The following MAGI1 variants were observed in gnomAD, a reference collection of about 807,000 sequenced individuals.
MAGI1 encodes the protein membrane-associated guanylate kinase, WW and PDZ domain-containing protein 1.
Under a neutral mutation model 139.9 loss-of-function variants are expected in MAGI1, and 58 were observed. The ratio of observed to expected loss-of-function variants is 0.41; its 90% CI spans 0.34 to 0.52. The LOEUF (loss-of-function observed/expected upper bound fraction) is 0.52. Among genes scored for constraint, MAGI1 ranks in the 20% least tolerant of loss-of-function variants. The pLI is 0.12. For synonymous variants in MAGI1, 812 were observed against 737.9 expected, an observed-to-expected ratio of 1.10 and a Z score of -1.63; for missense variants, 1,874 against 1,901.6, an observed-to-expected ratio of 0.99 and a Z score of 0.27.
intron 5 of MAGI1, among the ~76,000 whole-genome samples, chr3:65,461,487 CTTT>C (rs537543064): frequency 2.0e-5 from 2 of 101,948 alleles, no homozygotes; most frequent in African/African-American, 3.9e-5. Context: ...TGTTTCTTGA[CTTT>C]TTTTTTTTTT....
At chr3:65,664,378 A>T (rs1169732449) in intron 1 of MAGI1, among the ~76,000 whole-genome samples, 1 of 152,214 alleles carries the variant, frequency 6.6e-6, no homozygotes, top group East Asian at 1.9e-4. Flanking sequence ...GAGAATATGT[A>T]TATGTATAAG....
Position 65,527,081 on chromosome 3 carries a change from T to C in MAGI1, c.431-33450A>G, listed in dbSNP as rs145721579. Among the ~76,000 whole-genome samples the C allele has an allele frequency of 3.2e-3, 490 of 152,328 alleles. 1 individual carries two copies. The highest frequency in any genetic ancestry group is 0.011 in the African/African-American group (459 of 41,574). On this transcript the variant is annotated intron_variant, in intron 2 of 22. Transcript: ENST00000402939. Reference sequence around the variant, plus strand: ...TCTTCTCTTCTTCCATTGGTGATTGTCTTGACTTCTCAAACAGCCAACCTA... The same window carrying C: ...TCTTCTCTTCTTCCATTGGTGATTGCCTTGACTTCTCAAACAGCCAACCTA...
At chr3:65,701,532 C>T (rs1016595227) in intron 1 of MAGI1, among the ~76,000 whole-genome samples, 1 of 152,154 alleles carries the variant, frequency 6.6e-6, no homozygotes, top group Non-Finnish European at 1.5e-5. Context: ...GGATTACAGC[C>T]GTGAGTCACC....
At chr3:65,833,869 T>G (rs2108306441) in intron 1 of MAGI1, among the ~76,000 whole-genome samples, 1 of 152,380 alleles carries the variant, frequency 6.6e-6, no homozygotes, top group Non-Finnish European at 1.5e-5. Context: ...TAGTTTCATT[T>G]GCATGCAGGA....
At chr3:65,734,873 A>G (rs1406065390) in intron 1 of MAGI1, among the ~76,000 whole-genome samples, 2 of 122,150 alleles carry the variant, frequency 1.6e-5, no homozygotes, top group Non-Finnish European at 1.7e-5. Context: ...GGAGGTGAAG[A>G]GATGGGAGGT....
At chr3:65,480,320 C>T (rs1292923493) in intron 3 of MAGI1, among the ~76,000 whole-genome samples, 1 of 151,966 alleles carries the variant, frequency 6.6e-6, no homozygotes, top group Non-Finnish European at 1.5e-5. Context: ...ACCACATGAG[C>T]TCAGAAGTTC....
At chr3:65,685,401 CT>C (rs1419662138) in intron 1 of MAGI1, among the ~76,000 whole-genome samples, 1 of 150,750 alleles carries the variant, frequency 6.6e-6, no homozygotes, top group Non-Finnish European at 1.5e-5. Context: ...TGCATTTTAA[CT>C]TTTTCCTCAA....
At chr3:65,498,331 GC>G (rs1371546098) in intron 2 of MAGI1, among the ~76,000 whole-genome samples, 1 of 150,098 alleles carries the variant, frequency 6.7e-6, no homozygotes. Context: ...ATTTTCCTTA[GC>G]CTACAATACT....
intron 1 of MAGI1, among the ~76,000 whole-genome samples, chr3:65,984,957 T>C (rs527812631): frequency 6.6e-6 from 1 of 152,198 alleles, no homozygotes; most frequent in African/African-American, 2.4e-5. Context: ...GGAGGTCTTG[T>C]CTGAGGTTCA....
At chr3:65,469,394 T>C (rs940609681) in intron 5 of MAGI1, among the ~76,000 whole-genome samples, 30 of 152,116 alleles carry the variant, frequency 2.0e-4, no homozygotes, top group Non-Finnish European at 4.4e-4. Context: ...GATAGGATAA[T>C]AAAGTCAAAA....
chr3:65,573,038 G>C (rs1269050171), intron 2 of MAGI1, among the ~76,000 whole-genome samples: 4 of 152,080 alleles, frequency 2.6e-5, no homozygotes, highest in Non-Finnish European at 4.4e-5. Context: ...TGAAGACAAA[G>C]TTACTCATCT....
chr3:65,737,217 G>C (rs916617788), intron 1 of MAGI1, among the ~76,000 whole-genome samples: 1 of 152,088 alleles, frequency 6.6e-6, no homozygotes, highest in African/African-American at 2.4e-5. Flanking sequence ...GTTATAGCCA[G>C]GATGGTCTCA....
At chr3:65,846,610 T>A (rs1025817469) in intron 1 of MAGI1, among the ~76,000 whole-genome samples, 4 of 152,184 alleles carry the variant, frequency 2.6e-5, no homozygotes, top group Admixed American at 2.0e-4. Context: ...ATCACCAATA[T>A]GTTTTGAGCA....
chr3:65,509,330 G>C (rs534684586), intron 2 of MAGI1, among the ~76,000 whole-genome samples: 33 of 152,302 alleles, frequency 2.2e-4, no homozygotes, highest in African/African-American at 7.2e-4. Context: ...AACAGCTCCG[G>C]TCTACAGCTC....
intron 1 of MAGI1, among the ~76,000 whole-genome samples, chr3:65,851,566 T>G (rs923310463): frequency 5.9e-5 from 9 of 152,018 alleles, no homozygotes; most frequent in Non-Finnish European, 1.3e-4. Flanking sequence ...CCAGCTAAAA[T>G]GGCAAAACCT....
intron 1 of MAGI1, among the ~76,000 whole-genome samples, chr3:65,837,398 A>G (rs2058662276): frequency 6.6e-6 from 1 of 152,050 alleles, no homozygotes; most frequent in Admixed American, 6.6e-5. Flanking sequence ...TGATGCCACG[A>G]CCTCCCAGAG....
intron 1 of MAGI1, among the ~76,000 whole-genome samples, chr3:66,000,472 T>G (rs2066687421): frequency 6.6e-6 from 1 of 152,184 alleles, no homozygotes; most frequent in African/African-American, 2.4e-5. Context: ...TTTTTAAACC[T>G]AATACGACTA....
At chr3:65,852,928 G>T (rs62245691) in intron 1 of MAGI1, among the ~76,000 whole-genome samples, 79 of 146,534 alleles carry the variant, frequency 5.4e-4, no homozygotes, top group Non-Finnish European at 9.5e-4. Context: ...GAGGTCAGGA[G>T]ATCGAGACCA....
At chr3:65,556,349 T>G (rs2080085337) in intron 2 of MAGI1, among the ~76,000 whole-genome samples, 1 of 152,216 alleles carries the variant, frequency 6.6e-6, no homozygotes, top group Admixed American at 6.5e-5. Context: ...TAGAATTACA[T>G]TTTTCTTGGA....
Sources: allele counts gnomAD v4.1 joint callset (sites outside exome capture counted in the v4.1 genomes callset), GRCh38; gene constraint gnomAD v4.1.1; transcripts MANE v1.5; gene names NCBI Gene and HGNC (gene_info 2026-07-23, HGNC 2026-07-21).